The following RBM25 variants were observed in gnomAD, a reference collection of about 807,000 sequenced individuals.
The protein encoded by RBM25 is RNA-binding protein 25.
Under a neutral mutation model 120.7 loss-of-function variants are expected in RBM25, and 19 were observed. That is an observed-to-expected ratio of 0.16 (90% CI 0.11 to 0.23). The LOEUF (loss-of-function observed/expected upper bound fraction) is 0.23, where lower values mean the gene tolerates loss of function less well. Ranked by LOEUF, RBM25 falls within the 10% of genes least tolerant of loss-of-function variation. RBM25 has a pLI of 1.00. For missense variants in RBM25, 605 were observed against 1,041.5 expected (o/e 0.58, Z 5.77); for synonymous variants, 390 against 326.7 (o/e 1.19, Z -2.09).
rs1347984355 is a variant in RBM25 at position 73,101,050 on chromosome 14, T to G, written c.867+1300T>G. On this transcript the variant is annotated intron_variant, in intron 9 of 18. Coordinates refer to ENST00000261973, the MANE Select transcript of RBM25 (RefSeq NM_021239.3). ...GAGGAAATCATGTTTTAAGAAAAAT[T>G]CAAAAATATATTTGCTTTAAAGTTT... The G allele has an allele frequency of 2.0e-5, 3 of 152,188 alleles. No individual in the cohort carries two copies. In the East Asian group the frequency reaches 5.8e-4, roughly 29 times the overall value. 9.4% of individuals were successfully genotyped at this position (152,188 alleles called of 1,614,324 possible). A position where few individuals can be genotyped will look rare whatever the true frequency, so the allele number is the denominator to read the frequency against.
At position 73,088,042 on chromosome 14, in the gene RBM25, C is replaced by G; in HGVS notation, c.424C>G (p.Arg142Gly). ...CEYKEPESTL[R>G]ALRLLHDLQI... ...GTACAAGGAGCCAGAATCTACCCTC[C>G]GTGCACTCAGATTATTACATGACCT... Residue 142 changes from arginine to glycine, a missense_variant, in exon 6 of 19, where the codon CGT (arginine) becomes GGT (glycine). Arg to Gly is a moderately radical substitution (Grantham distance 125, BLOSUM62 -2). Transcript: ENST00000261973. 1 of 1,614,154 alleles carries G rather than the reference C, an allele frequency of 6.2e-7. No homozygotes were observed.
In RBM25 at chr14:73,071,755, T is replaced by A. The variant is rs1481504309; in HGVS notation, c.106+8T>A. 3.1e-6 allele frequency: 5 copies of A among 1,588,792 alleles called. No individual in the cohort carries two copies. Among genetic ancestry groups the A allele is most frequent in the Non-Finnish European group, 4.3e-6 (5 of 1,157,550 alleles). ...CTCCACCTGTACCTCCAGGTAAGTT[T>A]GTTGATACTGTTTTTTGTCGTTAAA... On this transcript the variant is annotated splice_region_variant and intron_variant, in intron 2 of 18. Transcript: ENST00000261973.
At position 73,085,568 on chromosome 14, in the gene RBM25, C is replaced by T. The variant is rs1895666068; in HGVS notation, c.382+2017C>T. 2.6e-5 allele frequency among the ~76,000 whole-genome samples: 4 copies of T among 151,958 alleles called. No individual in the cohort carries two copies. The South Asian group carries it at 8.3e-4, about 32-fold the overall frequency. ...CAAGTGGTTCTCTTGCCTCAGCCTC[C>T]TGAGTAGCCAGGATTACAGGCGCCC... On this transcript the variant is annotated intron_variant, in intron 5 of 18. Coordinates refer to ENST00000261973, the MANE Select transcript of RBM25 (RefSeq NM_021239.3).
intron 1 of RBM25, among the ~76,000 whole-genome samples, chr14:73,067,812 C>G (rs552687870): frequency 6.6e-6 from 1 of 151,676 alleles, no homozygotes; most frequent in South Asian, 2.1e-4. Flanking sequence ...GGGGTTTCAC[C>G]GTGGTCTCGA....
chr14:73,101,941 A>G (rs1204421396), intron 9 of RBM25: 1 of 152,236 alleles, frequency 6.6e-6, no homozygotes, highest in Non-Finnish European at 1.5e-5. Context: ...ATTTCAATGT[A>G]TTCAGTTTTG....
At position 73,111,687 on chromosome 14, in the gene RBM25, A is replaced by G. The variant is rs1284521094; in HGVS notation, c.2177A>G (p.Lys726Arg). 2 of 1,614,158 alleles carry G rather than the reference A, an allele frequency of 1.2e-6. No individual in the cohort carries two copies. The highest frequency in any genetic ancestry group is 2.2e-5 in the East Asian group (1 of 44,868). Residue 726 changes from lysine (K) to arginine (R), a missense_variant, in exon 16 of 19, where the codon AAA becomes AGA. This residue lies in a region of RBM25 where 465 missense variants were observed against 741.6 expected (regional missense o/e 0.63). Transcript: ENST00000261973. The stretch of plus-strand genomic sequence containing the variant: ...GGTGAAGATGATAAAAATGCAACCA[A>G]AGGCACTGTAAACACTGAAGAAAAG... ...DYGEDDKNAT[K>R]GTVNTEEKRK...
chr14:73,080,525 C>G (rs929178771), intron 4 of RBM25, among the ~76,000 whole-genome samples: 1 of 151,892 alleles, frequency 6.6e-6, no homozygotes, highest in Non-Finnish European at 1.5e-5. Flanking sequence ...GCCCGGCCCT[C>G]TTACACATCT....
At position 73,094,515 on chromosome 14, in the gene RBM25, T is replaced by C. The variant is rs181894794; in HGVS notation, c.544-2400T>C. On this transcript the variant is annotated intron_variant, in intron 6 of 18. Coordinates refer to ENST00000261973, the MANE Select transcript of RBM25 (RefSeq NM_021239.3). ...CAGGCTGGAGTGCAGTGGCGTGATA[T>C]TGGCTCACTGCAATCTCTGCCTCCC... 1.6e-4 allele frequency among the ~76,000 whole-genome samples: 25 copies of C among 151,580 alleles called. No individual in the cohort carries two copies. In the East Asian group the frequency reaches 4.5e-3, roughly 27 times the overall value.
intron 5 of RBM25, among the ~76,000 whole-genome samples, chr14:73,085,348 A>G (rs1045107548): frequency 1.4e-5 from 2 of 143,290 alleles, no homozygotes; most frequent in East Asian, 2.3e-4. Flanking sequence ...GAATTCTGTC[A>G]TTCTTTTATT....
At chr14:73,117,877 C>A (rs192100546) in intron 18 of RBM25, among the ~76,000 whole-genome samples, 38 of 152,240 alleles carry the variant, frequency 2.5e-4, no homozygotes, top group Middle Eastern at 3.4e-3. Context: ...ATAGCTGCCC[C>A]CTTCAGAAGG....
chr14:73,118,499 G>A (rs1332772334), intron 18 of RBM25, among the ~76,000 whole-genome samples: 3 of 151,564 alleles, frequency 2.0e-5, no homozygotes, highest in South Asian at 2.1e-4. Context: ...AAAAAAGTTT[G>A]TGAGGTTGTG....
chr14:73,069,779 A>AAAAAAAAAAT (rs1895234317), intron 1 of RBM25: 3 of 125,248 alleles, frequency 2.4e-5, no homozygotes, highest in African/African-American at 2.9e-5. Context: ...AAAAAAAAAA[A>AAAAAAAAAAT]GTGTGTTGCT....
chr14:73,074,048 G>A (rs77613799), intron 2 of RBM25, among the ~76,000 whole-genome samples: 2,450 of 152,232 alleles, frequency 0.016, 49 homozygotes, highest in East Asian at 0.048. Context: ...TTGAGAAAAT[G>A]TTGCAGAAAA....
chr14:73,083,555 T>C lies in RBM25; in HGVS notation c.382+4T>C. 2 of 1,568,374 alleles carry C rather than the reference T, an allele frequency of 1.3e-6. No homozygotes were observed. The highest frequency in any genetic ancestry group is 1.7e-6 in the Non-Finnish European group (2 of 1,165,878). Reference sequence around the variant, plus strand: ...GGTGCTTCCGGAAAGCTTCAAGGTATGTCATTTTTTTCCTTATTTGCTGAA... The same window carrying C: ...GGTGCTTCCGGAAAGCTTCAAGGTACGTCATTTTTTTCCTTATTTGCTGAA... On this transcript the variant is annotated splice_donor_region_variant and intron_variant, in intron 5 of 18. Coordinates refer to ENST00000261973, the MANE Select transcript of RBM25 (RefSeq NM_021239.3).
At chr14:73,060,662 A>G (rs373789426) in intron 1 of RBM25, among the ~76,000 whole-genome samples, 1 of 151,414 alleles carries the variant, frequency 6.6e-6, no homozygotes, top group Non-Finnish European at 1.5e-5. Context: ...TTGAAAATTG[A>G]AAGTTGCTGA....
intron 15 of RBM25, 153 bp downstream of exon 15, chr14:73,111,308 GT>G (rs1252746933): frequency 3.6e-6 from 3 of 834,700 alleles, no homozygotes; most frequent in Admixed American, 3.0e-5. Context: ...TGTTTTCATA[GT>G]TTTACTAGTG....
At chr14:73,072,031 G>A (rs61985127) in intron 2 of RBM25, among the ~76,000 whole-genome samples, 8,519 of 151,204 alleles carry the variant, frequency 0.056, 325 homozygotes, top group Non-Finnish European at 0.089. Flanking sequence ...GGAGTGCAGT[G>A]GCACGATCTC....
chr14:73,092,419 AT>A (rs1566592044), intron 6 of RBM25, among the ~76,000 whole-genome samples: 1 of 152,146 alleles, frequency 6.6e-6, no homozygotes, highest in Non-Finnish European at 1.5e-5. Context: ...AGAATGAGAC[AT>A]TGAAAACCCT....
At chr14:73,110,340 G>C (rs1194597649) in intron 14 of RBM25, among the ~76,000 whole-genome samples, 1 of 151,974 alleles carries the variant, frequency 6.6e-6, no homozygotes, top group Non-Finnish European at 1.5e-5. Context: ...TGAGCAGAAT[G>C]CCTGACTGAA....
Sources: allele counts gnomAD v4.1 joint callset (sites outside exome capture counted in the v4.1 genomes callset), GRCh38; gene constraint gnomAD v4.1.1; regional missense constraint gnomAD v4.1.1; transcripts MANE v1.5; gene names NCBI Gene and HGNC (gene_info 2026-07-23, HGNC 2026-07-21).